ACVR1B: variants seen among roughly 807,000 people sequenced by gnomAD.
ACVR1B encodes the protein activin A receptor type 1B.
A neutral mutation model predicts 55.6 loss-of-function variants in ACVR1B; 15 were observed. The observed-to-expected ratio is 0.27, with a 90% confidence interval of 0.18 to 0.42. The LOEUF (loss-of-function observed/expected upper bound fraction) is 0.42, where lower values mean the gene tolerates loss of function less well. Among genes scored for constraint, ACVR1B ranks in the 10% least tolerant of loss-of-function variants. ACVR1B has a pLI of 1.00. For missense variants in ACVR1B, 359 were observed against 670.1 expected, an observed-to-expected ratio of 0.54 and a Z score of 5.13; for synonymous variants, 247 against 254.6, an observed-to-expected ratio of 0.97 and a Z score of 0.28.
chr12:51,989,928 C>T (rs972467861), intron 7 of ACVR1B, among the ~76,000 whole-genome samples: 3 of 151,854 alleles, frequency 2.0e-5, no homozygotes, highest in African/African-American at 7.3e-5. Flanking sequence ...GAAGTTGCAG[C>T]AAGCCGAGAT....
chr12:51,981,430 A>G (rs1941976262), intron 4 of ACVR1B, among the ~76,000 whole-genome samples: 1 of 152,194 alleles, frequency 6.6e-6, no homozygotes, highest in Admixed American at 6.5e-5. Flanking sequence ...TTACTCAGAT[A>G]AACAAGATAC....
At chr12:51,971,315 CTTTAG>C (rs1341429177) in intron 1 of ACVR1B, among the ~76,000 whole-genome samples, 1 of 152,216 alleles carries the variant, frequency 6.6e-6, no homozygotes, top group Non-Finnish European at 1.5e-5. Flanking sequence ...GTGGTTTTGT[CTTTAG>C]TTTAAATTTG....
chr12:51,976,218 A>G (rs1410569887), intron 2 of ACVR1B, 109 bp from the exon 3 acceptor site: 10 of 1,320,274 alleles, frequency 7.6e-6, no homozygotes, highest in African/African-American at 1.5e-5. Flanking sequence ...GCCTGAACAC[A>G]TCGACAGGGA....
At chr12:51,988,281 C>T (rs1052510744) in intron 7 of ACVR1B, among the ~76,000 whole-genome samples, 2 of 152,136 alleles carry the variant, frequency 1.3e-5, no homozygotes, top group Non-Finnish European at 2.9e-5. Flanking sequence ...CCATCCTGGC[C>T]AACATGGTGA....
At chr12:51,982,738 C>T (rs1280980223) in intron 4 of ACVR1B, 3 of 1,534,356 alleles carry the variant, frequency 2.0e-6, no homozygotes, top group Admixed American at 2.0e-5. Context: ...TCTCTGCTGC[C>T]CCCAAGCTGA....
rs1485907221 is a variant in ACVR1B at position 51,994,090 on chromosome 12, CAGGAAGACGTGA to C, written c.1501_1512del (p.Glu501_Lys504del). The C allele has an allele frequency of 1.2e-6, 2 of 1,613,880 alleles. No homozygotes were observed. The highest frequency in any genetic ancestry group is 3.3e-5 in the Admixed American group (2 of 60,034). ...GAAGACCCTCTCCCAGCTCAGCGTG[CAGGAAGACGTGA>C]AGATCTAACTGCTCCCTCTCTCCAC... On this transcript the variant is annotated inframe_deletion, in exon 9 of 9. Coordinates refer to ENST00000257963, the MANE Select transcript of ACVR1B (RefSeq NM_004302.5). This position sits in a 1 kb window ranked among gnomAD's most constrained non-coding sequence, Gnocchi z 4.2.
At chr12:51,963,313 C>T (rs868695825) in intron 1 of ACVR1B, among the ~76,000 whole-genome samples, 4 of 151,972 alleles carry the variant, frequency 2.6e-5, no homozygotes, top group Non-Finnish European at 5.9e-5. Context: ...AGCATGATCT[C>T]GGCTCATTGC....
At chr12:51,984,697 A>G (rs897021686) in intron 5 of ACVR1B, among the ~76,000 whole-genome samples, 15 of 152,202 alleles carry the variant, frequency 9.9e-5, no homozygotes, top group African/African-American at 3.6e-4. Context: ...TCTTGTCACA[A>G]TGGCAGGTGT....
chr12:51,986,672 GA>G, intron 6 of ACVR1B, 145 bp from the exon 7 acceptor site: 3 of 1,124,660 alleles, frequency 2.7e-6, no homozygotes, highest in Non-Finnish European at 3.8e-6. Flanking sequence ...AGTTTGCAAT[GA>G]AGAGATGTGT....
chr12:51,988,094 G>A (rs1942117352), intron 7 of ACVR1B, among the ~76,000 whole-genome samples: 1 of 152,154 alleles, frequency 6.6e-6, no homozygotes, highest in African/African-American at 2.4e-5. Flanking sequence ...GACATGTTTG[G>A]TAAAATCCAA....
chr12:51,977,289 T>C (rs182932020), intron 3 of ACVR1B, among the ~76,000 whole-genome samples: 1 of 152,164 alleles, frequency 6.6e-6, no homozygotes, highest in Non-Finnish European at 1.5e-5. Context: ...ATTTTTTTAC[T>C]TACTTATTTA....
At chr12:51,977,605 TC>T (rs1243339038) in intron 3 of ACVR1B, among the ~76,000 whole-genome samples, 6 of 148,090 alleles carry the variant, frequency 4.1e-5, no homozygotes, top group African/African-American at 1.5e-4. Context: ...GGTATTGCAT[TC>T]CTTTTTTTTT....
chr12:51,989,808 A>AC (rs775683946), intron 7 of ACVR1B, among the ~76,000 whole-genome samples: 2 of 151,940 alleles, frequency 1.3e-5, no homozygotes, highest in African/African-American at 4.8e-5. Context: ...ACATAGTGAA[A>AC]CCCCGTCTGT....
chr12:51,965,793 G>A (rs1161463257), intron 1 of ACVR1B, among the ~76,000 whole-genome samples: 1 of 152,236 alleles, frequency 6.6e-6, no homozygotes, highest in Non-Finnish European at 1.5e-5. Flanking sequence ...AGAGAGGAAT[G>A]TAGCAGTTTT....
intron 1 of ACVR1B, among the ~76,000 whole-genome samples, chr12:51,952,054 C>T (rs1457879668): frequency 6.6e-6 from 1 of 152,078 alleles, no homozygotes; most frequent in Non-Finnish European, 1.5e-5. Flanking sequence ...CCCTGGGGAC[C>T]CGAGCCCTGT....
At chr12:51,982,696 A>T (rs1029082949) in intron 4 of ACVR1B, 1 of 1,531,144 alleles carries the variant, frequency 6.5e-7, no homozygotes, top group Non-Finnish European at 8.7e-7. Context: ...CAGACTGCTC[A>T]TTCCTCACAT....
intron 1 of ACVR1B, among the ~76,000 whole-genome samples, chr12:51,972,640 G>A (rs942429466): frequency 1.3e-5 from 2 of 152,234 alleles, no homozygotes; most frequent in African/African-American, 4.8e-5. Context: ...TCAAGGTCAT[G>A]TGGTTAATAT....
intron 1 of ACVR1B, among the ~76,000 whole-genome samples, chr12:51,966,286 A>G (rs1397365435): frequency 6.6e-6 from 1 of 152,222 alleles, no homozygotes; most frequent in African/African-American, 2.4e-5. Flanking sequence ...AGTCAACCCA[A>G]AAAATCCAGA....
chr12:51,964,740 C>T (rs1460753138), intron 1 of ACVR1B, among the ~76,000 whole-genome samples: 3 of 152,182 alleles, frequency 2.0e-5, no homozygotes, highest in Non-Finnish European at 4.4e-5. Context: ...CCTGTATGTT[C>T]TAAGCACTCT....
Sources: allele counts gnomAD v4.1 joint callset (sites outside exome capture counted in the v4.1 genomes callset), GRCh38; gene constraint gnomAD v4.1.1; non-coding constraint Gnocchi (gnomAD v3.1); transcripts MANE v1.5; gene names NCBI Gene and HGNC (gene_info 2026-07-23, HGNC 2026-07-21).